The following ZYG11B variants were observed in gnomAD, a reference collection of about 807,000 sequenced individuals.
ZYG11B encodes the protein zyg-11 family member B, cell cycle regulator, also known as protein zyg-11 homolog B.
Under a neutral mutation model 82.4 loss-of-function variants are expected in ZYG11B, and 36 were observed. The observed-to-expected ratio is 0.44, with a 90% CI of 0.33 to 0.58. The LOEUF is 0.58. Among genes scored for constraint, ZYG11B ranks in the 20% least tolerant of loss-of-function variants. ZYG11B has a pLI of 0.02. For synonymous variants in ZYG11B, 303 were observed against 312.8 expected (o/e 0.97, Z 0.33); for missense variants, 552 against 895.6 (o/e 0.62, Z 4.90).
chr1:52,780,047 G>T, intron 4 of ZYG11B, 54 bp downstream of exon 4: 3 of 1,530,556 alleles, frequency 2.0e-6, no homozygotes, highest in South Asian at 1.3e-5. Flanking sequence ...CTGGGCAGAT[G>T]ATTTTTTGAA....
intron 2 of ZYG11B, among the ~76,000 whole-genome samples, chr1:52,769,886 T>TA (rs1019400027): frequency 1.3e-5 from 2 of 152,092 alleles, no homozygotes; most frequent in African/African-American, 4.8e-5. Context: ...GCATGATTGT[T>TA]ACTTCTTTCA....
In ZYG11B at chr1:52,786,864, G is replaced by T. The variant is rs928109386; in HGVS notation, c.1269+1811G>T. Among the ~76,000 whole-genome samples the T allele has an allele frequency of 1.7e-4, 26 of 152,162 alleles. 1 individual carries two copies. The highest frequency in any genetic ancestry group is 4.4e-5 in the Non-Finnish European group (3 of 68,032). ...CCAGCACTTTGGGAGGCCAAGGCAG[G>T]CATATCACATGAGGTCAGGAGTTTG... is the stretch of plus-strand genomic sequence containing the variant. On this transcript the variant is annotated intron_variant, in intron 5 of 13. Transcript: ENST00000294353.
chr1:52,776,197 C>A (rs1571770200), intron 3 of ZYG11B, among the ~76,000 whole-genome samples: 1 of 49,158 alleles, frequency 2.0e-5, no homozygotes, highest in African/African-American at 7.5e-5. Context: ...CCTGCCTGAA[C>A]AACAAGAGCA....
At chr1:52,790,092 A>G (rs1161161776) in intron 6 of ZYG11B, 25 bp downstream of exon 6, 2 of 1,528,798 alleles carry the variant, frequency 1.3e-6, no homozygotes, top group Admixed American at 3.5e-5. Context: ...TAGAACTTAA[A>G]GTGGGGCAAA....
intron 8 of ZYG11B, among the ~76,000 whole-genome samples, chr1:52,799,317 C>T (rs1203653966): frequency 6.6e-6 from 1 of 151,854 alleles, no homozygotes; most frequent in African/African-American, 2.4e-5. Context: ...GAAACCCCGT[C>T]TCTACTAAAA....
In ZYG11B at chr1:52,726,457, T is replaced by A; in HGVS notation, c.-197T>A. On this transcript the variant is annotated 5_prime_UTR_variant, in exon 1 of 14. Transcript: ENST00000294353. ...CGGGCGGGTCCTCGCGGGGGCGGAGTCTGCGCTCTGGTTCGGGCTGCGGCT... is the reference window on the plus strand; with the variant it reads ...CGGGCGGGTCCTCGCGGGGGCGGAGACTGCGCTCTGGTTCGGGCTGCGGCT... 2.2e-6 allele frequency: 1 copy of A among 454,620 alleles called. No homozygotes were observed. Among genetic ancestry groups the A allele is most frequent in the Non-Finnish European group, 3.5e-6 (1 of 283,788 alleles). The allele number at this position is 454,620 out of a possible 1,614,324, so 28.2% of individuals were successfully genotyped here.
At chr1:52,735,339 T>C (rs1238023356) in intron 1 of ZYG11B, among the ~76,000 whole-genome samples, 1 of 152,218 alleles carries the variant, frequency 6.6e-6, no homozygotes, top group Non-Finnish European at 1.5e-5. Context: ...CAAATCACTT[T>C]TCTAAAGCAC....
chr1:52,825,229 C>T lies in ZYG11B; in HGVS notation c.*3600C>T, dbSNP rs555827258. On this transcript the variant is annotated 3_prime_UTR_variant, in exon 14 of 14. Transcript: ENST00000294353. Reference sequence around the variant, plus strand: ...TTTCTACTCCACAAAATAATTTTTTCTTTTTGCAGTTGAAAATTAACTGCA... The same window carrying T: ...TTTCTACTCCACAAAATAATTTTTTTTTTTTGCAGTTGAAAATTAACTGCA... The T allele has an allele frequency of 1.3e-5, 2 of 152,034 alleles. No individual in the cohort carries two copies. Among genetic ancestry groups the T allele is most frequent in the East Asian group, 3.9e-4 (2 of 5,184 alleles). 9.4% of individuals were successfully genotyped at this position (152,034 alleles called of 1,614,324 possible).
intron 1 of ZYG11B, among the ~76,000 whole-genome samples, chr1:52,744,824 G>C (rs2149923423): frequency 6.6e-6 from 1 of 152,240 alleles, no homozygotes; most frequent in South Asian, 2.1e-4. Context: ...CAGCCTGGCA[G>C]AGCGAGACTC....
At chr1:52,796,161 C>T (rs937363358) in intron 6 of ZYG11B, 131 bp from the exon 7 acceptor site, 2 of 598,638 alleles carry the variant, frequency 3.3e-6, no homozygotes, top group African/African-American at 3.7e-5. Flanking sequence ...AATTGTTACT[C>T]TCTACCAGTT....
intron 13 of ZYG11B, among the ~76,000 whole-genome samples, 169 bp from the exon 14 acceptor site, chr1:52,821,270 C>T (rs561738921): frequency 9.9e-5 from 15 of 151,518 alleles, no homozygotes; most frequent in African/African-American, 1.2e-4. Flanking sequence ...GCACTGTAGA[C>T]GTAACATCAG....
At chr1:52,810,179 G>A (rs1244182935) in intron 10 of ZYG11B, among the ~76,000 whole-genome samples, 1 of 152,108 alleles carries the variant, frequency 6.6e-6, no homozygotes, top group Non-Finnish European at 1.5e-5. Context: ...ACTGAAACAA[G>A]ACCTTCCTGA....
intron 8 of ZYG11B, among the ~76,000 whole-genome samples, chr1:52,797,804 C>T (rs910387841): frequency 2.6e-5 from 4 of 151,588 alleles, no homozygotes; most frequent in Non-Finnish European, 4.4e-5. Flanking sequence ...CCACCGTGCC[C>T]GGCCAACATT....
chr1:52,756,240 G>A (rs952531399), intron 1 of ZYG11B, among the ~76,000 whole-genome samples: 5 of 152,148 alleles, frequency 3.3e-5, no homozygotes, highest in Non-Finnish European at 2.9e-5. Flanking sequence ...TAATACTAAA[G>A]GGGCTGTATG....
intron 2 of ZYG11B, among the ~76,000 whole-genome samples, chr1:52,765,024 A>AC (rs1644669806): frequency 2.0e-5 from 3 of 151,540 alleles, no homozygotes; most frequent in African/African-American, 7.3e-5. Flanking sequence ...CTCCATGTAA[A>AC]CCACTGCTTC....
At chr1:52,741,895 T>G (rs1316339376) in intron 1 of ZYG11B, among the ~76,000 whole-genome samples, 1 of 152,128 alleles carries the variant, frequency 6.6e-6, no homozygotes, top group Non-Finnish European at 1.5e-5. Flanking sequence ...ATGGTAGAGG[T>G]GGCATTTTAA....
At chr1:52,763,583 G>C (rs771722039) in intron 2 of ZYG11B, among the ~76,000 whole-genome samples, 1 of 151,964 alleles carries the variant, frequency 6.6e-6, no homozygotes, top group African/African-American at 2.4e-5. Context: ...GCCACCCAAA[G>C]TACTAGTATT....
At chr1:52,804,211 A>T (rs569036140) in intron 10 of ZYG11B, among the ~76,000 whole-genome samples, 2 of 152,132 alleles carry the variant, frequency 1.3e-5, no homozygotes, top group East Asian at 1.9e-4. Flanking sequence ...ATCCTACTGC[A>T]CTCCAGCCTG....
chr1:52,772,649 G>A, intron 3 of ZYG11B: 2 of 862,540 alleles, frequency 2.3e-6, no homozygotes, highest in East Asian at 2.4e-5. Flanking sequence ...TACGACCCAT[G>A]ATGGCGGCGA....
Sources: allele counts gnomAD v4.1 joint callset (sites outside exome capture counted in the v4.1 genomes callset), GRCh38; gene constraint gnomAD v4.1.1; transcripts MANE v1.5; gene names NCBI Gene and HGNC (gene_info 2026-07-23, HGNC 2026-07-21).